RGS8: variants seen among roughly 807,000 people sequenced by gnomAD.
RGS8 encodes the protein regulator of G protein signaling 8, also known as regulator of G-protein signaling 8.
Under a neutral mutation model 21.7 loss-of-function variants are expected in RGS8, and 8 were observed. That is an observed-to-expected ratio of 0.37 (90% CI 0.22 to 0.66). The LOEUF (loss-of-function observed/expected upper bound fraction) is 0.66, where lower values mean the gene tolerates loss of function less well. Among genes scored for constraint, RGS8 ranks in the 30% least tolerant of loss-of-function variants. The pLI, the probability that RGS8 is intolerant of heterozygous loss-of-function variation, is 0.59. For synonymous variants in RGS8, 80 were observed against 83.6 expected, an observed-to-expected ratio of 0.96 and a Z score of 0.24; for missense variants, 157 against 217.9, an observed-to-expected ratio of 0.72 and a Z score of 1.76.
At chr1:182,748,458 T>A in the RGS8 span, among the ~76,000 whole-genome samples, 1 of 152,276 alleles carries the variant, frequency 6.6e-6, no homozygotes, top group African/African-American at 2.4e-5. Context: ...TATGGCTGAA[T>A]AATATCCCAT....
At chr1:182,732,126 A>G in the RGS8 span, among the ~76,000 whole-genome samples, 1 of 152,282 alleles carries the variant, frequency 6.6e-6, no homozygotes, top group South Asian at 2.1e-4. Context: ...CCCAGACTAC[A>G]CTTCCAGGAT....
At chr1:182,717,341 A>G in the RGS8 span, among the ~76,000 whole-genome samples, 1 of 152,208 alleles carries the variant, frequency 6.6e-6, no homozygotes, top group Admixed American at 6.5e-5. Context: ...GGCTCCTGGA[A>G]CCATCAATTA....
chr1:182,653,227 T>C (rs1007016748), intron 5 of RGS8, among the ~76,000 whole-genome samples: 1 of 152,172 alleles, frequency 6.6e-6, no homozygotes, highest in African/African-American at 2.4e-5. Context: ...CATGGTGTGA[T>C]GGGGTTCTAG....
chr1:182,715,992 C>T, the RGS8 span, among the ~76,000 whole-genome samples: 1 of 152,138 alleles, frequency 6.6e-6, no homozygotes, highest in Admixed American at 6.6e-5. Context: ...ATATTCAAGT[C>T]CCTCATATAA....
upstream of RGS8, among the ~76,000 whole-genome samples, chr1:182,674,408 G>A (rs1443791192): frequency 1.3e-5 from 2 of 152,084 alleles, no homozygotes; most frequent in Non-Finnish European, 2.9e-5. Flanking sequence ...AGAGCAGAGG[G>A]ACAAAAGTGT....
chr1:182,688,542 G>A (rs1188286824), upstream of RGS8, among the ~76,000 whole-genome samples: 2 of 152,198 alleles, frequency 1.3e-5, no homozygotes, highest in Admixed American at 1.3e-4. Context: ...TCTTGGCAAA[G>A]GGACTTTGCA....
At chr1:182,725,772 C>T in the RGS8 span, among the ~76,000 whole-genome samples, 1 of 152,184 alleles carries the variant, frequency 6.6e-6, no homozygotes, top group Non-Finnish European at 1.5e-5. Flanking sequence ...AGCCACACAG[C>T]AGTGTCTGAC....
chr1:182,738,790 G>A, the RGS8 span, among the ~76,000 whole-genome samples: 1 of 152,224 alleles, frequency 6.6e-6, no homozygotes, highest in Admixed American at 6.5e-5. Flanking sequence ...GTATGCATCT[G>A]GGAAGCAGTC....
the RGS8 span, among the ~76,000 whole-genome samples, chr1:182,745,994 T>G: frequency 6.6e-6 from 1 of 152,206 alleles, no homozygotes; most frequent in Non-Finnish European, 1.5e-5. Flanking sequence ...ATCCTGACCT[T>G]CTTTTAGTCC....
the RGS8 span, among the ~76,000 whole-genome samples, chr1:182,700,492 G>T: frequency 3.9e-5 from 6 of 152,138 alleles, no homozygotes; most frequent in Non-Finnish European, 5.9e-5. Flanking sequence ...GAGAAAGGAG[G>T]TGCCAGTCCA....
chr1:182,740,699 C>T, the RGS8 span, among the ~76,000 whole-genome samples: 8 of 149,558 alleles, frequency 5.3e-5, no homozygotes, highest in African/African-American at 1.7e-4. Flanking sequence ...GAGGACCCTG[C>T]GGCCTTCCGC....
At chr1:182,749,986 G>A in the RGS8 span, among the ~76,000 whole-genome samples, 1 of 151,980 alleles carries the variant, frequency 6.6e-6, no homozygotes, top group South Asian at 2.1e-4. Flanking sequence ...CTAAAAATGG[G>A]GCTTTTAATA....
At chr1:182,649,594 A>G (rs1290841500) in intron 5 of RGS8, among the ~76,000 whole-genome samples, 1 of 152,210 alleles carries the variant, frequency 6.6e-6, no homozygotes, top group Non-Finnish European at 1.5e-5. Context: ...TGTCATACAT[A>G]TTGTCAAGCA....
At chr1:182,661,749 A>C (rs1663597861) in intron 5 of RGS8, among the ~76,000 whole-genome samples, 1 of 152,220 alleles carries the variant, frequency 6.6e-6, no homozygotes, top group South Asian at 2.1e-4. Flanking sequence ...ACAAATGAGG[A>C]AACTTTGCTC....
At chr1:182,732,636 T>C in the RGS8 span, among the ~76,000 whole-genome samples, 9 of 152,182 alleles carry the variant, frequency 5.9e-5, no homozygotes, top group Non-Finnish European at 1.2e-4. Flanking sequence ...AAAACTTAAG[T>C]GTAATAGTGA....
chr1:182,701,161 G>A, the RGS8 span, among the ~76,000 whole-genome samples: 1 of 152,234 alleles, frequency 6.6e-6, no homozygotes, highest in Admixed American at 6.5e-5. Flanking sequence ...GGGCGGAATA[G>A]CAGGGTTTTG....
At chr1:182,666,746 G>C in intron 4 of RGS8, 126 bp downstream of exon 5, 1 of 696,930 alleles carries the variant, frequency 1.4e-6, no homozygotes, top group South Asian at 1.6e-5. Flanking sequence ...CACGTCCAGG[G>C]ATATAAAAGG....
the RGS8 span, among the ~76,000 whole-genome samples, chr1:182,751,156 A>G: frequency 6.6e-6 from 1 of 152,224 alleles, no homozygotes; most frequent in South Asian, 2.1e-4. Context: ...AACTAAACAG[A>G]AAGAAGAAAT....
chr1:182,720,736 AAT>A, the RGS8 span, among the ~76,000 whole-genome samples: 1 of 151,868 alleles, frequency 6.6e-6, no homozygotes, highest in Non-Finnish European at 1.5e-5. Flanking sequence ...TGTGCTCATC[AAT>A]ATCCTTCCTC....
Sources: allele counts gnomAD v4.1 joint callset (sites outside exome capture counted in the v4.1 genomes callset), GRCh38; gene constraint gnomAD v4.1.1; transcripts MANE v1.5; gene names NCBI Gene and HGNC (gene_info 2026-07-23, HGNC 2026-07-21).